DTNA: variants seen among roughly 807,000 people sequenced by gnomAD.
DTNA encodes the protein dystrophin-related protein 3.
A neutral mutation model predicts 100.7 loss-of-function variants in DTNA; 43 were observed. The ratio of observed to expected loss-of-function variants is 0.43; its 90% CI spans 0.33 to 0.55. The LOEUF is 0.55. Ranked by LOEUF, DTNA falls within the 20% of genes least tolerant of loss-of-function variation. The pLI is 0.04. For synonymous variants in DTNA, 349 were observed against 347.9 expected (o/e 1.00, Z -0.04); for missense variants, 798 against 953.9 (o/e 0.84, Z 2.15).
intron 1 of DTNA, among the ~76,000 whole-genome samples, chr18:34,699,929 A>G (rs2081135986): frequency 6.6e-6 from 1 of 152,200 alleles, no homozygotes; most frequent in South Asian, 2.1e-4. Flanking sequence ...GACAGATCCA[A>G]AAGTTCAAAG....
chr18:34,656,640 A>G (rs188053116), intron 1 of DTNA, among the ~76,000 whole-genome samples: 5 of 152,266 alleles, frequency 3.3e-5, no homozygotes, highest in African/African-American at 1.2e-4. Context: ...TTTCTTTTGT[A>G]GGTTTCTCCA....
intron 2 of DTNA, among the ~76,000 whole-genome samples, chr18:34,758,446 A>T (rs546827265): frequency 1.4e-4 from 21 of 152,356 alleles, no homozygotes; most frequent in African/African-American, 5.0e-4. Flanking sequence ...AGAAAGACTG[A>T]ACTCAACTTC....
intron 1 of DTNA, among the ~76,000 whole-genome samples, chr18:34,573,688 T>C (rs540596408): frequency 4.6e-5 from 7 of 152,372 alleles, no homozygotes; most frequent in Admixed American, 1.3e-4. Context: ...TTACCTCATG[T>C]AGGTATCATT....
At chr18:34,641,248 A>C (rs1305576898) in intron 1 of DTNA, among the ~76,000 whole-genome samples, 1 of 152,222 alleles carries the variant, frequency 6.6e-6, no homozygotes, top group Admixed American at 6.5e-5. Context: ...AAAAATAATT[A>C]TAACTATTAA....
At chr18:34,801,352 G>T (rs894781032) in intron 4 of DTNA, among the ~76,000 whole-genome samples, 1 of 152,062 alleles carries the variant, frequency 6.6e-6, no homozygotes, top group African/African-American at 2.4e-5. Flanking sequence ...ATAGGCAAAA[G>T]TTCCAGGGTA....
At chr18:34,512,121 G>A (rs922978506) in intron 1 of DTNA, among the ~76,000 whole-genome samples, 1 of 151,998 alleles carries the variant, frequency 6.6e-6, no homozygotes, top group African/African-American at 2.4e-5. Context: ...TTTAATCCCA[G>A]AAGTCCCACT....
intron 1 of DTNA, among the ~76,000 whole-genome samples, chr18:34,631,652 T>G (rs1231518360): frequency 1.3e-5 from 2 of 152,252 alleles, no homozygotes; most frequent in Non-Finnish European, 2.9e-5. Context: ...ATTCATCTGC[T>G]AATTCATCTA....
At chr18:34,738,046 T>G (rs1488139040) in intron 1 of DTNA, among the ~76,000 whole-genome samples, 11 of 152,104 alleles carry the variant, frequency 7.2e-5, no homozygotes, top group Admixed American at 7.2e-4. Flanking sequence ...TAGCCAGGTT[T>G]GGGGCTGAGA....
At chr18:34,584,757 T>C (rs569292575) in intron 1 of DTNA, among the ~76,000 whole-genome samples, 2 of 152,132 alleles carry the variant, frequency 1.3e-5, no homozygotes, top group African/African-American at 4.8e-5. Context: ...TGTGCTGTTA[T>C]GAGACAATAG....
Position 34,861,618 on chromosome 18 carries a change from A to C in DTNA, c.1647-2348A>C, listed in dbSNP as rs535104843. ...ATACATGTAGTGCTAGGAAAGGAAA[A>C]TCACTATTTAGTCTTGTTTTCTCAT... On this transcript the variant is annotated intron_variant, in intron 16 of 22. Transcript: ENST00000444659. 7.2e-5 allele frequency among the ~76,000 whole-genome samples: 11 copies of C among 152,126 alleles called. No individual in the cohort carries two copies. The South Asian group carries it at 1.0e-3, about 14-fold the overall frequency.
At chr18:34,777,771 C>T (rs2094132040) in intron 3 of DTNA, among the ~76,000 whole-genome samples, 1 of 152,142 alleles carries the variant, frequency 6.6e-6, no homozygotes, top group Admixed American at 6.5e-5. Context: ...GGAAACTGCC[C>T]CCATGATCCA....
intron 1 of DTNA, among the ~76,000 whole-genome samples, chr18:34,734,355 G>C (rs563927369): frequency 2.0e-5 from 3 of 152,068 alleles, no homozygotes; most frequent in Non-Finnish European, 4.4e-5. Context: ...GCAAAAAAAA[G>C]GTTCATCAGA....
At chr18:34,494,414 A>G (rs996563580) in intron 1 of DTNA, among the ~76,000 whole-genome samples, 1 of 151,974 alleles carries the variant, frequency 6.6e-6, no homozygotes, top group East Asian at 1.9e-4. Flanking sequence ...TTCGGCTTTT[A>G]TAGCCTGTTG....
intron 14 of DTNA, among the ~76,000 whole-genome samples, chr18:34,851,586 C>T (rs1016581989): frequency 1.3e-5 from 2 of 152,186 alleles, no homozygotes; most frequent in African/African-American, 2.4e-5. Flanking sequence ...AATCATTTTT[C>T]CTACCTTTTG....
intron 14 of DTNA, among the ~76,000 whole-genome samples, chr18:34,850,790 A>C (rs2096464348): frequency 6.6e-6 from 1 of 152,228 alleles, no homozygotes; most frequent in East Asian, 1.9e-4. Context: ...ACACCAAATA[A>C]ATCCTTGACT....
At chr18:34,762,198 T>A (rs1317920584) in intron 2 of DTNA, among the ~76,000 whole-genome samples, 1 of 152,234 alleles carries the variant, frequency 6.6e-6, no homozygotes, top group African/African-American at 2.4e-5. Context: ...ATACGCTTTT[T>A]AATAAGACTA....
rs762579551 is a variant in DTNA, at chr18:34,848,346, G to C, written c.1397G>C (p.Arg466Thr). The change falls in exon 14 of 23, where the codon AGG (arginine) becomes ACG (threonine). Residue 466 changes from arginine to threonine, a missense_variant. This residue lies in a region of DTNA where 159 missense variants were observed against 201.2 expected (regional missense o/e 0.79). Transcript: ENST00000444659. ...RLDEEHRLIA[R>T]YAARLAAESS... ...GATGAAGAACACAGGCTAATTGCCAGGTATGCGGCAAGGCTGGCAGCAGAG... is the reference window on the plus strand; with the variant it reads ...GATGAAGAACACAGGCTAATTGCCACGTATGCGGCAAGGCTGGCAGCAGAG... 1.2e-5 allele frequency: 20 copies of C among 1,614,076 alleles called. No individual in the cohort carries two copies. Among genetic ancestry groups the C allele is most frequent in the South Asian group, 5.5e-5 (5 of 91,082 alleles).
intron 1 of DTNA, among the ~76,000 whole-genome samples, chr18:34,585,743 A>T (rs1396785726): frequency 6.6e-6 from 1 of 151,936 alleles, no homozygotes; most frequent in East Asian, 1.9e-4. Context: ...TAGGTATCTG[A>T]GTATCATGTG....
intron 1 of DTNA, among the ~76,000 whole-genome samples, chr18:34,722,606 T>TACACACACACACACAC (rs71166022): frequency 1.6e-3 from 237 of 147,212 alleles, no homozygotes; most frequent in Non-Finnish European, 2.1e-3. Flanking sequence ...TATATATACA[T>TACACACACACACACAC]ACACACACAC....
Sources: allele counts gnomAD v4.1 joint callset (sites outside exome capture counted in the v4.1 genomes callset), GRCh38; gene constraint gnomAD v4.1.1; regional missense constraint gnomAD v4.1.1; transcripts MANE v1.5; gene names NCBI Gene and HGNC (gene_info 2026-07-23, HGNC 2026-07-21).